The following GLIS3 variants were observed in gnomAD, a reference collection of about 807,000 sequenced individuals.
The protein encoded by GLIS3 is GLIS family zinc finger 3, also known as zinc finger protein GLIS3.
A neutral mutation model predicts 78.6 loss-of-function variants in GLIS3; 53 were observed. The observed-to-expected ratio is 0.67, with a 90% CI of 0.54 to 0.85. GLIS3 has a LOEUF of 0.85. Ranked by LOEUF, GLIS3 falls within the 40% of genes least tolerant of loss-of-function variation. The pLI is 0.00. For synonymous variants in GLIS3, 684 were observed against 509.9 expected (o/e 1.34, Z -4.60); for missense variants, 1,703 against 1,231.1 (o/e 1.38, Z -5.74).
At chr9:3,867,760 C>A (rs987949342) in intron 8 of GLIS3, among the ~76,000 whole-genome samples, 7 of 149,562 alleles carry the variant, frequency 4.7e-5, no homozygotes, top group African/African-American at 1.7e-4. Context: ...TGTGTGAGTG[C>A]ATGTGTGTAT....
intron 4 of GLIS3, among the ~76,000 whole-genome samples, chr9:4,033,817 G>C (rs1325294072): frequency 7.9e-6 from 1 of 126,898 alleles, no homozygotes; most frequent in African/African-American, 2.9e-5. Flanking sequence ...CATGCACATG[G>C]CAACACAAGG....
intron 2 of GLIS3, among the ~76,000 whole-genome samples, chr9:4,153,196 T>C (rs1834809813): frequency 6.6e-6 from 1 of 152,248 alleles, no homozygotes; most frequent in Non-Finnish European, 1.5e-5. Flanking sequence ...TAATGGGCCT[T>C]TCCTTATTCA....
chr9:3,982,842 G>A (rs1320676910), intron 4 of GLIS3, among the ~76,000 whole-genome samples: 1 of 152,196 alleles, frequency 6.6e-6, no homozygotes, highest in Non-Finnish European at 1.5e-5. Context: ...TACCCAGAAA[G>A]AAGGTAGGAT....
intron 2 of GLIS3, among the ~76,000 whole-genome samples, chr9:4,334,284 C>T (rs1405599217): frequency 6.6e-6 from 1 of 152,204 alleles, no homozygotes; most frequent in Non-Finnish European, 1.5e-5. Context: ...ATATAACATT[C>T]AGTCCTTCTA....
chr9:4,371,267 G>A, the GLIS3 span, among the ~76,000 whole-genome samples: 1 of 152,262 alleles, frequency 6.6e-6, no homozygotes, highest in South Asian at 2.1e-4. Context: ...TGGGACAGGA[G>A]GCATTTAAGT....
chr9:4,153,031 T>C (rs974788399), intron 2 of GLIS3, among the ~76,000 whole-genome samples: 2 of 152,190 alleles, frequency 1.3e-5, no homozygotes, highest in African/African-American at 2.4e-5. Flanking sequence ...CTGTGCATTG[T>C]AGGATGCTGA....
chr9:4,338,013 G>C (rs1377557922), intron 2 of GLIS3, among the ~76,000 whole-genome samples: 1 of 148,992 alleles, frequency 6.7e-6, no homozygotes, highest in African/African-American at 2.5e-5. Context: ...TAACTGGTAA[G>C]ATTGGCAAGG....
intron 2 of GLIS3, among the ~76,000 whole-genome samples, chr9:4,154,050 T>A (rs987270750): frequency 6.6e-6 from 1 of 152,180 alleles, no homozygotes; most frequent in Admixed American, 6.5e-5. Context: ...GCTGAGGCTG[T>A]CAATAAGAAC....
intron 9 of GLIS3, 29 bp from the exon 10 acceptor site, chr9:3,829,521 A>C (rs553054277): frequency 6.2e-7 from 1 of 1,613,044 alleles, no homozygotes; most frequent in Non-Finnish European, 8.5e-7. Flanking sequence ...ATTGAGCACA[A>C]GTTCCTTTGG....
At chr9:4,202,446 TAAAATA>T (rs1258413616) in intron 2 of GLIS3, among the ~76,000 whole-genome samples, 2 of 94,862 alleles carry the variant, frequency 2.1e-5, no homozygotes, top group East Asian at 6.3e-4. Flanking sequence ...TAAAATAAAA[TAAAATA>T]AAAATAAAAA....
chr9:4,046,158 A>AG (rs1193294054), intron 4 of GLIS3, among the ~76,000 whole-genome samples: 7 of 152,298 alleles, frequency 4.6e-5, no homozygotes, highest in African/African-American at 1.7e-4. Flanking sequence ...TAAATTATAG[A>AG]GGGGGGTGTA....
intron 2 of GLIS3, among the ~76,000 whole-genome samples, chr9:4,342,000 C>T (rs7043464): frequency 6.6e-6 from 1 of 152,106 alleles, no homozygotes; most frequent in Admixed American, 6.5e-5. Flanking sequence ...GGATATTAGA[C>T]CTTTGTTGGA....
chr9:4,415,944 A>G, the GLIS3 span, among the ~76,000 whole-genome samples: 1 of 151,678 alleles, frequency 6.6e-6, no homozygotes, highest in Non-Finnish European at 1.5e-5. Context: ...ACTATTAACA[A>G]TTCTTTGAAT....
At chr9:4,429,350 G>C in the GLIS3 span, among the ~76,000 whole-genome samples, 1 of 150,404 alleles carries the variant, frequency 6.6e-6, no homozygotes, top group South Asian at 2.1e-4. Flanking sequence ...CCCTTCTCTT[G>C]ACCCACCGGA....
At chr9:3,862,667 G>T (rs1820294115) in intron 8 of GLIS3, among the ~76,000 whole-genome samples, 1 of 152,064 alleles carries the variant, frequency 6.6e-6, no homozygotes, top group African/African-American at 2.4e-5. Context: ...TGCTTTGGGG[G>T]TTAACACTTT....
the GLIS3 span, among the ~76,000 whole-genome samples, chr9:4,453,614 A>T: frequency 6.6e-6 from 1 of 152,230 alleles, no homozygotes; most frequent in Admixed American, 6.5e-5. Context: ...TCCATCAATG[A>T]TAGACTGGAT....
chr9:4,222,251 C>T (rs760858155), intron 2 of GLIS3, among the ~76,000 whole-genome samples: 1 of 152,112 alleles, frequency 6.6e-6, no homozygotes, highest in Non-Finnish European at 1.5e-5. Flanking sequence ...CAAAGTACAC[C>T]TTCCTCTTTC....
chr9:4,321,048 C>G lies in GLIS3; in HGVS notation n.265-10520G>C, dbSNP rs138154800. ...CCATTTCTGCAGCCTTATTTCATACCTTTCCCTCCTCTGCTCTTCTATTCC... is the reference window on the plus strand; with the variant it reads ...CCATTTCTGCAGCCTTATTTCATACGTTTCCCTCCTCTGCTCTTCTATTCC... On this transcript the variant is annotated intron_variant and non_coding_transcript_variant, in intron 2 of 4. Coordinates refer to the GLIS3 transcript ENST00000471664. Among the ~76,000 whole-genome samples the G allele has an allele frequency of 5.7e-3, 868 of 151,990 alleles. 6 individuals are homozygous for G. Among genetic ancestry groups the G allele is most frequent in the African/African-American group, 0.019 (807 of 41,422 alleles).
At chr9:3,986,171 T>C (rs1819727162) in intron 4 of GLIS3, among the ~76,000 whole-genome samples, 1 of 152,224 alleles carries the variant, frequency 6.6e-6, no homozygotes, top group Non-Finnish European at 1.5e-5. Context: ...CATGTCTACA[T>C]TGCAGGCATG....
Sources: gnomAD v4.1 joint callset for allele counts (sites outside exome capture counted in the v4.1 genomes callset) on GRCh38, gnomAD v4.1.1 for gene constraint, MANE v1.5 for transcripts, NCBI Gene and HGNC (gene_info 2026-07-23, HGNC 2026-07-21) for gene names.